Variants in TACR3 observed in about 807,000 individuals in gnomAD.
TACR3 encodes the protein tachykinin receptor 3.
A neutral mutation model predicts 35.0 loss-of-function variants in TACR3; 34 were observed. The ratio of observed to expected loss-of-function variants is 0.97; its 90% CI spans 0.74 to 1.30. The LOEUF is 1.30. Among genes scored for constraint, TACR3 ranks in the 50% most tolerant of loss-of-function variants. TACR3 has a pLI of 0.00. For missense variants in TACR3, 558 were observed against 591.7 expected, an observed-to-expected ratio of 0.94 and a Z score of 0.59; for synonymous variants, 233 against 221.1, an observed-to-expected ratio of 1.05 and a Z score of -0.48.
intron 3 of TACR3, among the ~76,000 whole-genome samples, chr4:103,605,966 T>C (rs1380500838): frequency 2.6e-5 from 4 of 151,964 alleles, no homozygotes; most frequent in Non-Finnish European, 5.9e-5. Flanking sequence ...AGGTCGTACG[T>C]TTAAGTCTTT....
intron 1 of TACR3, among the ~76,000 whole-genome samples, chr4:103,711,657 G>C (rs1251270371): frequency 6.6e-6 from 1 of 152,104 alleles, no homozygotes; most frequent in Non-Finnish European, 1.5e-5. Flanking sequence ...AATCAGGCAG[G>C]AGAAAGAAAT....
chr4:103,630,317 CA>C (rs1725029494), intron 3 of TACR3, among the ~76,000 whole-genome samples: 1 of 152,122 alleles, frequency 6.6e-6, no homozygotes, highest in Non-Finnish European at 1.5e-5. Context: ...GCAATGGCAA[CA>C]AAAGCCAAAA....
Position 103,692,545 on chromosome 4 carries a change from GAAC to G in TACR3, c.548+26580_548+26582del, listed in dbSNP as rs1722428690. 6.6e-5 allele frequency among the ~76,000 whole-genome samples: 10 copies of G among 152,218 alleles called. No homozygotes were observed. The South Asian group carries it at 2.1e-3, about 32-fold the overall frequency. ...AACTTAGTTAAGATAAAGAAGATTT[GAAC>G]AACATGATTAACCAACTTTCTGTAA... On this transcript the variant is annotated intron_variant, in intron 1 of 4. Coordinates refer to ENST00000304883, the MANE Select transcript of TACR3 (RefSeq NM_001059.3).
intron 3 of TACR3, among the ~76,000 whole-genome samples, chr4:103,596,416 T>C (rs1724017723): frequency 6.6e-6 from 1 of 151,876 alleles, no homozygotes; most frequent in Admixed American, 6.6e-5. Context: ...GCACCTGTTG[T>C]TTCCTGACTT....
chr4:103,670,475 T>A (rs1016058465), intron 1 of TACR3, among the ~76,000 whole-genome samples: 5 of 152,064 alleles, frequency 3.3e-5, no homozygotes, highest in Non-Finnish European at 7.4e-5. Flanking sequence ...ATGAAATATC[T>A]TCCCATTTTT....
chr4:103,603,689 G>A (rs1042704106), intron 3 of TACR3, among the ~76,000 whole-genome samples: 6 of 152,198 alleles, frequency 3.9e-5, no homozygotes, highest in African/African-American at 1.4e-4. Context: ...TATATACCCA[G>A]TAATGGGATT....
rs1723781347 is a variant in TACR3, at chr4:103,586,861, A to C, written c.*2821T>G. On this transcript the variant is annotated 3_prime_UTR_variant, in exon 5 of 5. Transcript: ENST00000304883. ...CTTGTACTTTGTCCAGATGCAAAAT[A>C]GTAAGCAATGTTTATTTTTGATTTA... The C allele has an allele frequency of 6.6e-6, 1 of 152,122 alleles. No individual in the cohort carries two copies. The highest frequency in any genetic ancestry group is 2.1e-4 in the South Asian group (1 of 4,836). The allele number at this position is 152,122 out of a possible 1,614,324, so 9.4% of individuals were successfully genotyped here. A position where few individuals can be genotyped will look rare whatever the true frequency, so the allele number is the denominator to read the frequency against.
At chr4:103,598,040 A>G (rs919793053) in intron 3 of TACR3, among the ~76,000 whole-genome samples, 1 of 152,206 alleles carries the variant, frequency 6.6e-6, no homozygotes, top group African/African-American at 2.4e-5. Context: ...CGACTTCCAC[A>G]GTGGTTGAAC....
intron 1 of TACR3, among the ~76,000 whole-genome samples, chr4:103,708,115 G>T (rs2110228552): frequency 6.6e-6 from 1 of 152,340 alleles, no homozygotes; most frequent in East Asian, 1.9e-4. Flanking sequence ...ATCCTCTGCA[G>T]ACGTAAATGT....
chr4:103,696,095 C>T (rs927749658), intron 1 of TACR3, among the ~76,000 whole-genome samples: 6 of 151,926 alleles, frequency 3.9e-5, no homozygotes, highest in Admixed American at 1.3e-4. Context: ...TCTATATCAA[C>T]GAGCTAAATA....
intron 1 of TACR3, among the ~76,000 whole-genome samples, chr4:103,699,996 T>C (rs1294077862): frequency 6.6e-6 from 1 of 152,178 alleles, no homozygotes; most frequent in Non-Finnish European, 1.5e-5. Flanking sequence ...ACTTTGTTTA[T>C]TTCAGTGTGC....
chr4:103,680,146 T>A (rs547802160), intron 1 of TACR3, among the ~76,000 whole-genome samples: 1 of 151,262 alleles, frequency 6.6e-6, no homozygotes, highest in Non-Finnish European at 1.5e-5. Context: ...CATCACCCAT[T>A]TGATGAAACA....
chr4:103,615,731 A>G (rs1204555436), intron 3 of TACR3, among the ~76,000 whole-genome samples: 3 of 152,222 alleles, frequency 2.0e-5, no homozygotes, highest in African/African-American at 7.2e-5. Context: ...AAAAGACAAT[A>G]TATGTTCTTA....
intron 1 of TACR3, among the ~76,000 whole-genome samples, chr4:103,658,748 G>A (rs1725780708): frequency 1.3e-5 from 2 of 152,158 alleles, no homozygotes; most frequent in Admixed American, 1.3e-4. Context: ...CCAAGGATCG[G>A]TTTTATGGAA....
chr4:103,686,088 A>G (rs1397987135), intron 1 of TACR3, among the ~76,000 whole-genome samples: 2 of 152,208 alleles, frequency 1.3e-5, no homozygotes, highest in Non-Finnish European at 2.9e-5. Context: ...CAGTCTAGTT[A>G]TAAATTTAAC....
chr4:103,695,709 C>G (rs1722506316), intron 1 of TACR3, among the ~76,000 whole-genome samples: 1 of 139,296 alleles, frequency 7.2e-6, no homozygotes, highest in East Asian at 2.1e-4. Context: ...ATGTCTCTCT[C>G]TCTGTGTGTG....
At chr4:103,597,543 C>A (rs1418875268) in intron 3 of TACR3, among the ~76,000 whole-genome samples, 1 of 152,024 alleles carries the variant, frequency 6.6e-6, no homozygotes, top group Non-Finnish European at 1.5e-5. Flanking sequence ...CCATGTTGGT[C>A]TGCTGCACCC....
rs528856784 is a variant in TACR3 at position 103,587,998 on chromosome 4, G to GTGTT, written c.*1683_*1684insAACA. 2.6e-5 allele frequency: 4 copies of GTGTT among 151,584 alleles called. No homozygotes were observed. Among genetic ancestry groups the GTGTT allele is most frequent in the African/African-American group, 9.8e-5 (4 of 41,004 alleles). 9.4% of individuals were successfully genotyped at this position (151,584 alleles called of 1,614,324 possible). ...TTTGTATGTGTGTGTGTGTGTGTGT[G>GTGTT]TGTCTCTTTGTTTATTGGTATCATC... On this transcript the variant is annotated 3_prime_UTR_variant, in exon 5 of 5. Coordinates refer to ENST00000304883, the MANE Select transcript of TACR3 (RefSeq NM_001059.3).
chr4:103,593,036 A>G (rs1207749969), intron 3 of TACR3, among the ~76,000 whole-genome samples: 1 of 152,196 alleles, frequency 6.6e-6, no homozygotes. Context: ...AGTGTTCTTT[A>G]AATTACATTG....
Sources: allele counts gnomAD v4.1 joint callset (sites outside exome capture counted in the v4.1 genomes callset), GRCh38; gene constraint gnomAD v4.1.1; transcripts MANE v1.5; gene names NCBI Gene and HGNC (gene_info 2026-07-23, HGNC 2026-07-21).